CCDC158: variants seen among roughly 807,000 people sequenced by gnomAD.
The protein encoded by CCDC158 is coiled-coil domain-containing protein 158.
A neutral mutation model predicts 138.6 loss-of-function variants in CCDC158; 116 were observed. The observed-to-expected ratio is 0.84, with a 90% CI of 0.72 to 0.98. The LOEUF is 0.98. Among genes scored for constraint, CCDC158 ranks in the 50% least tolerant of loss-of-function variants. The probability of loss-of-function intolerance (pLI) is 0.00; values close to 1 mark genes in which losing one functional copy is unlikely to be tolerated. For missense variants in CCDC158, 1,265 were observed against 1,306.1 expected (o/e 0.97, Z 0.48); for synonymous variants, 436 against 442.4 (o/e 0.99, Z 0.18).
intron 13 of CCDC158, among the ~76,000 whole-genome samples, chr4:76,358,757 C>T (rs946440934): frequency 2.0e-5 from 3 of 152,166 alleles, no homozygotes; most frequent in Non-Finnish European, 4.4e-5. Context: ...TTTCACTGTG[C>T]CTCACACACT....
intron 19 of CCDC158, among the ~76,000 whole-genome samples, chr4:76,333,534 T>C (rs1721190395): frequency 6.6e-6 from 1 of 152,202 alleles, no homozygotes; most frequent in Admixed American, 6.5e-5. Flanking sequence ...AATCAAGTCA[T>C]TGGCATGAAT....
In CCDC158 at chr4:76,313,204, T is replaced by C; in HGVS notation, c.3320A>G (p.Lys1107Arg). Residue 1107 changes from lysine (K) to arginine (R), a missense_variant, in exon 25 of 25, where the codon AAA becomes AGA. Transcript: ENST00000682701. ...MIRNQEKRIQ[K>R]VKDQEKMLLK Reference sequence around the variant, plus strand: ...TAACATTTTTTCCTGGTCTTTTACTTTCTGTATCCTCTTTTCTTGATTTCT... The same window carrying C: ...TAACATTTTTTCCTGGTCTTTTACTCTCTGTATCCTCTTTTCTTGATTTCT... The C allele has an allele frequency of 6.2e-7, 1 of 1,609,398 alleles. No homozygotes were observed. The highest frequency in any genetic ancestry group is 8.5e-7 in the Non-Finnish European group (1 of 1,177,420).
intron 14 of CCDC158, 53 bp from the exon 15 acceptor site, chr4:76,355,489 T>C (rs1251581166): frequency 1.7e-6 from 2 of 1,150,078 alleles, no homozygotes; most frequent in Non-Finnish European, 2.6e-6. Context: ...TTTGAGAGAC[T>C]ATGGTAATTT....
At chr4:76,366,306 A>G (rs992309639) in intron 12 of CCDC158, among the ~76,000 whole-genome samples, 3 of 152,204 alleles carry the variant, frequency 2.0e-5, no homozygotes, top group Admixed American at 6.5e-5. Flanking sequence ...TTTTTAATGC[A>G]ATGAACTTGT....
intron 22 of CCDC158, 137 bp downstream of exon 22, chr4:76,328,763 T>C (rs984457850): frequency 2.9e-5 from 20 of 678,870 alleles, no homozygotes; most frequent in Non-Finnish European, 3.5e-5. Flanking sequence ...ACAGAATGCA[T>C]GAAAGAGGGA....
chr4:76,332,695 C>T (rs189110046), intron 19 of CCDC158, among the ~76,000 whole-genome samples: 16 of 152,282 alleles, frequency 1.1e-4, no homozygotes, highest in East Asian at 3.9e-4. Context: ...AAAAGCTTTA[C>T]GCTGAGTTTA....
intron 18 of CCDC158, chr4:76,345,173 A>C (rs1033157718): frequency 2.0e-6 from 2 of 993,422 alleles, no homozygotes; most frequent in African/African-American, 3.2e-5. Flanking sequence ...AAAAGTACCT[A>C]TTGAAGGTTG....
intron 4 of CCDC158, among the ~76,000 whole-genome samples, chr4:76,395,594 A>T (rs902916517): frequency 1.3e-5 from 2 of 152,214 alleles, no homozygotes; most frequent in Admixed American, 1.3e-4. Context: ...GGGCAAAGGC[A>T]TGCAGGTCTG....
chr4:76,346,134 T>C (rs985688953), intron 18 of CCDC158, among the ~76,000 whole-genome samples: 15 of 152,092 alleles, frequency 9.9e-5, no homozygotes, highest in African/African-American at 3.6e-4. Flanking sequence ...AAACAAGAAA[T>C]GGGGAAAGGA....
chr4:76,414,680 A>T lies in CCDC158; in HGVS notation c.-116-2548T>A, dbSNP rs1014452721. Among the ~76,000 whole-genome samples the T allele has an allele frequency of 2.0e-5, 3 of 152,136 alleles. No individual in the cohort carries two copies. The East Asian group carries it at 5.8e-4, about 29-fold the overall frequency. On this transcript the variant is annotated intron_variant, in intron 1 of 24. Coordinates refer to ENST00000682701, the MANE Select transcript of CCDC158 (RefSeq NM_001394954.1). Reference sequence around the variant, plus strand: ...TTCCCGTGCTATTCTTGTGATAGTGAATAAGTTTTATGAGATCCGATGGGG... The same window carrying T: ...TTCCCGTGCTATTCTTGTGATAGTGTATAAGTTTTATGAGATCCGATGGGG...
chr4:76,319,236 C>G (rs1719711805), intron 24 of CCDC158, among the ~76,000 whole-genome samples: 1 of 150,424 alleles, frequency 6.6e-6, no homozygotes. Context: ...CGTGCCACTG[C>G]ACTCTAGCCT....
chr4:76,400,619 AT>A (rs755176645), intron 3 of CCDC158, among the ~76,000 whole-genome samples: 1 of 152,062 alleles, frequency 6.6e-6, no homozygotes, highest in Non-Finnish European at 1.5e-5. Flanking sequence ...AAAAAAAAGA[AT>A]GGTGTGATTT....
chr4:76,371,029 G>A (rs1725185939), intron 10 of CCDC158, among the ~76,000 whole-genome samples: 1 of 152,118 alleles, frequency 6.6e-6, no homozygotes. Context: ...CAATCATACT[G>A]TCCTTTTCTT....
chr4:76,368,547 T>G (rs957234045), intron 11 of CCDC158, among the ~76,000 whole-genome samples: 4 of 152,130 alleles, frequency 2.6e-5, no homozygotes, highest in Admixed American at 2.0e-4. Context: ...GCTTTTTATG[T>G]CCCTGTGGCA....
intron 4 of CCDC158, among the ~76,000 whole-genome samples, chr4:76,387,779 C>T (rs1579051907): frequency 1.4e-5 from 2 of 147,996 alleles, no homozygotes. Flanking sequence ...GCTGAGATCG[C>T]ACCACTGCAC....
At chr4:76,384,818 C>T (rs560344863) in intron 4 of CCDC158, among the ~76,000 whole-genome samples, 153 bp from the exon 5 acceptor site, 11 of 152,302 alleles carry the variant, frequency 7.2e-5, no homozygotes, top group Non-Finnish European at 1.2e-4. Context: ...AATAATTTCT[C>T]GCTTAGATTA....
At chr4:76,354,750 T>C (rs1723379691) in intron 15 of CCDC158, among the ~76,000 whole-genome samples, 1 of 152,160 alleles carries the variant, frequency 6.6e-6, no homozygotes, top group Non-Finnish European at 1.5e-5. Context: ...ACCACATCCA[T>C]CCACATCCGG....
chr4:76,378,382 A>T (rs917779901), intron 9 of CCDC158, among the ~76,000 whole-genome samples: 1 of 152,214 alleles, frequency 6.6e-6, no homozygotes, highest in Non-Finnish European at 1.5e-5. Flanking sequence ...TGCTCCAAAT[A>T]GCTAAGGTGT....
At chr4:76,330,272 T>C (rs1321162477) in intron 21 of CCDC158, among the ~76,000 whole-genome samples, 1 of 152,182 alleles carries the variant, frequency 6.6e-6, no homozygotes, top group Non-Finnish European at 1.5e-5. Context: ...TCAAGCAGTA[T>C]GACTTTGACA....
Sources: gnomAD v4.1 joint callset for allele counts (sites outside exome capture counted in the v4.1 genomes callset) on GRCh38, gnomAD v4.1.1 for gene constraint, MANE v1.5 for transcripts, NCBI Gene and HGNC (gene_info 2026-07-23, HGNC 2026-07-21) for gene names.